Variants in C1orf21 observed in about 807,000 individuals in gnomAD.
C1orf21 encodes uncharacterized protein C1orf21.
In C1orf21, 3 loss-of-function variants were observed where a neutral mutation model predicts 18.7. The ratio of observed to expected loss-of-function variants is 0.16; its 90% CI spans 0.07 to 0.42. C1orf21 has a LOEUF of 0.42. Ranked by LOEUF, C1orf21 falls within the 10% of genes least tolerant of loss-of-function variation. The pLI is 0.99. For missense variants in C1orf21, 104 were observed against 143.6 expected (o/e 0.72, Z 1.41); for synonymous variants, 41 against 46.4 (o/e 0.88, Z 0.47).
At chr1:184,514,098 G>T (rs537116038) in intron 3 of C1orf21, among the ~76,000 whole-genome samples, 2 of 152,224 alleles carry the variant, frequency 1.3e-5, no homozygotes, top group East Asian at 1.9e-4. Context: ...GGACTTTGAG[G>T]CCAGCCTGGG....
chr1:184,581,173 T>C (rs1431888523), intron 3 of C1orf21, among the ~76,000 whole-genome samples: 2 of 152,330 alleles, frequency 1.3e-5, no homozygotes, highest in East Asian at 3.9e-4. Context: ...ACGCCTGTAA[T>C]CCCAGCACTT....
At chr1:184,533,933 T>C (rs1238415542) in intron 3 of C1orf21, among the ~76,000 whole-genome samples, 1 of 152,204 alleles carries the variant, frequency 6.6e-6, no homozygotes, top group East Asian at 1.9e-4. Flanking sequence ...CTCAGACCTA[T>C]GGGGACAGAA....
Position 184,422,826 on chromosome 1 carries a change from G to A in C1orf21, c.-125+35458G>A, listed in dbSNP as rs150739540. 1.9e-4 allele frequency among the ~76,000 whole-genome samples: 29 copies of A among 152,292 alleles called. No homozygotes were observed. The East Asian group carries it at 5.2e-3, about 27-fold the overall frequency. On this transcript the variant is annotated intron_variant, in intron 1 of 5. Transcript: ENST00000235307. ...CATGTTAGACAGAAAGCTTCTTGAG[G>A]TCACTCTACGTACAGAACTTGTCCC...
intron 2 of C1orf21, among the ~76,000 whole-genome samples, chr1:184,496,694 G>A (rs192092023): frequency 6.6e-6 from 1 of 152,330 alleles, no homozygotes; most frequent in Non-Finnish European, 1.5e-5. Context: ...CTTGAAAGAA[G>A]ACAGTAGAGA....
chr1:184,408,197 A>G (rs550252087), intron 1 of C1orf21: 1 of 152,356 alleles, frequency 6.6e-6, no homozygotes, highest in Non-Finnish European at 1.5e-5. Context: ...AAATTGCAGC[A>G]ATTCAGTATT....
intron 3 of C1orf21, among the ~76,000 whole-genome samples, chr1:184,553,839 G>A (rs1218050168): frequency 6.6e-6 from 1 of 152,216 alleles, no homozygotes; most frequent in Non-Finnish European, 1.5e-5. Flanking sequence ...CACAGGAGGA[G>A]AGGAACAAGG....
At chr1:184,509,689 C>A (rs1658116300) in intron 3 of C1orf21, among the ~76,000 whole-genome samples, 2 of 152,056 alleles carry the variant, frequency 1.3e-5, no homozygotes, top group Admixed American at 1.3e-4. Context: ...ATAGATTTAA[C>A]AATTCTTTTT....
At chr1:184,406,035 C>T (rs759376241) in intron 1 of C1orf21, among the ~76,000 whole-genome samples, 10 of 152,096 alleles carry the variant, frequency 6.6e-5, no homozygotes, top group African/African-American at 2.4e-4. Flanking sequence ...AGTTTCCTTT[C>T]GGTTGAAATG....
At chr1:184,396,474 G>A (rs542094491) in intron 1 of C1orf21, among the ~76,000 whole-genome samples, 1 of 152,306 alleles carries the variant, frequency 6.6e-6, no homozygotes, top group Non-Finnish European at 1.5e-5. Flanking sequence ...AAAATTTCTG[G>A]TTGGATTATA....
Position 184,493,430 on chromosome 1 carries a change from T to C in C1orf21, c.95-14158T>C, listed in dbSNP as rs549308573. On this transcript the variant is annotated intron_variant, in intron 2 of 5. Coordinates refer to ENST00000235307, the MANE Select transcript of C1orf21 (RefSeq NM_030806.4). ...ATCATGATGTTAAATAGCACATCTT[T>C]GAAGCTAATTAATTCCTTCAAATTG... 9.8e-5 allele frequency among the ~76,000 whole-genome samples: 15 copies of C among 152,358 alleles called. No homozygotes were observed. The East Asian group carries it at 2.7e-3, about 27-fold the overall frequency.
At chr1:184,581,584 T>C (rs913576851) in intron 3 of C1orf21, among the ~76,000 whole-genome samples, 2 of 152,346 alleles carry the variant, frequency 1.3e-5, no homozygotes, top group Non-Finnish European at 2.9e-5. Context: ...TTTGAAAAAC[T>C]TGGAGATATA....
chr1:184,459,705 T>C (rs759926783), intron 1 of C1orf21, among the ~76,000 whole-genome samples: 1 of 152,024 alleles, frequency 6.6e-6, no homozygotes, highest in Non-Finnish European at 1.5e-5. Context: ...TCACTCATGG[T>C]CTAGTTGGAA....
At chr1:184,551,697 T>G (rs970954743) in intron 3 of C1orf21, among the ~76,000 whole-genome samples, 1 of 151,998 alleles carries the variant, frequency 6.6e-6, no homozygotes, top group Non-Finnish European at 1.5e-5. Flanking sequence ...TGGGCAGAAA[T>G]GAATTGGACA....
intron 3 of C1orf21, among the ~76,000 whole-genome samples, chr1:184,577,953 G>GT (rs1257021237): frequency 0.02 from 2,143 of 108,868 alleles, 46 homozygotes; most frequent in Admixed American, 0.03. Context: ...TTTTGTTTTT[G>GT]TTTTTTTTTT....
intron 1 of C1orf21, among the ~76,000 whole-genome samples, chr1:184,440,696 G>A (rs1339314675): frequency 2.0e-5 from 3 of 152,114 alleles, no homozygotes; most frequent in African/African-American, 7.2e-5. Context: ...GAATATCTTT[G>A]ATACTTACAG....
intron 1 of C1orf21, among the ~76,000 whole-genome samples, chr1:184,410,664 T>TATATATATATA (rs1553248058): frequency 6.6e-4 from 2 of 3,010 alleles, no homozygotes; most frequent in South Asian, 0.014. Context: ...TATATATATA[T>TATATATATATA]TTTTTTTTTT....
intron 1 of C1orf21, among the ~76,000 whole-genome samples, chr1:184,434,594 G>A (rs1257270511): frequency 1.3e-5 from 2 of 152,204 alleles, no homozygotes; most frequent in East Asian, 1.9e-4. Flanking sequence ...GTACAGTGCT[G>A]GGGTAGAGTG....
At chr1:184,503,306 C>T (rs1452352492) in intron 2 of C1orf21, among the ~76,000 whole-genome samples, 2 of 151,966 alleles carry the variant, frequency 1.3e-5, no homozygotes, top group Non-Finnish European at 2.9e-5. Context: ...CAGTAGTTAT[C>T]GTTCAGGGAC....
intron 3 of C1orf21, among the ~76,000 whole-genome samples, chr1:184,517,754 T>C (rs1397050089): frequency 6.6e-6 from 1 of 152,182 alleles, no homozygotes; most frequent in Non-Finnish European, 1.5e-5. Context: ...TAGATAGTGA[T>C]TCTAGGTATC....
Sources: gnomAD v4.1 joint callset for allele counts (sites outside exome capture counted in the v4.1 genomes callset) on GRCh38, gnomAD v4.1.1 for gene constraint, MANE v1.5 for transcripts, NCBI Gene and HGNC (gene_info 2026-07-23, HGNC 2026-07-21) for gene names.